Variants in NELL1 observed in about 807,000 individuals in gnomAD.
NELL1 encodes neural EGFL like 1.
In NELL1, 76 loss-of-function variants were observed where a neutral mutation model predicts 107.4. The ratio of observed to expected loss-of-function variants is 0.71; its 90% CI spans 0.59 to 0.86. The LOEUF is 0.86. Ranked by LOEUF, NELL1 falls within the 40% of genes least tolerant of loss-of-function variation. NELL1 has a pLI of 0.00. For missense variants in NELL1, 1,024 were observed against 1,005.5 expected, an observed-to-expected ratio of 1.02 and a Z score of -0.25; for synonymous variants, 353 against 341.2, an observed-to-expected ratio of 1.03 and a Z score of -0.38.
rs1241603154 is a variant in NELL1 at position 20,852,828 on chromosome 11, C to T, written c.506+5075C>T. ...AACTAACAAAGCAGCTTCAGGTTGT[C>T]TAGGAAGAGATGGGAAGCAAGCTAG... On this transcript the variant is annotated intron_variant, in intron 4 of 19. Transcript: ENST00000357134. Among the ~76,000 whole-genome samples, 3 of 152,130 alleles carry T rather than the reference C, an allele frequency of 2.0e-5. No individual in the cohort carries two copies. The East Asian group carries it at 5.8e-4, about 29-fold the overall frequency.
At chr11:20,788,618 T>A (rs923264988) in intron 3 of NELL1, among the ~76,000 whole-genome samples, 1 of 152,190 alleles carries the variant, frequency 6.6e-6, no homozygotes. Context: ...TTTACAGTTT[T>A]TTCCCCCATT....
intron 12 of NELL1, among the ~76,000 whole-genome samples, chr11:21,026,586 G>A (rs1335702800): frequency 1.3e-5 from 2 of 152,106 alleles, no homozygotes; most frequent in Non-Finnish European, 2.9e-5. Context: ...TAAAAGCAGG[G>A]ATTTTTGCCT....
At chr11:21,521,224 A>G (rs1855717312) in intron 15 of NELL1, among the ~76,000 whole-genome samples, 1 of 152,160 alleles carries the variant, frequency 6.6e-6, no homozygotes, top group African/African-American at 2.4e-5. Context: ...TAAATATTTT[A>G]TATTTTCCTT....
intron 3 of NELL1, among the ~76,000 whole-genome samples, chr11:20,807,223 G>A (rs766831156): frequency 6.6e-6 from 1 of 152,148 alleles, no homozygotes; most frequent in Non-Finnish European, 1.5e-5. Context: ...CTTGGGTGTT[G>A]TGATCTATGT....
In NELL1 at chr11:21,524,853, A is replaced by T. The variant is rs188044400; in HGVS notation, c.1646-9521A>T. ...CAAGTTTCATAGCAGTCAAATTTCA[A>T]TAGTTTTGTTCATTGGTTATGAGGA... On this transcript the variant is annotated intron_variant, in intron 15 of 19. Transcript: ENST00000357134. Among the ~76,000 whole-genome samples the T allele has an allele frequency of 2.0e-5, 3 of 152,288 alleles. No homozygotes were observed. The South Asian group carries it at 6.2e-4, about 32-fold the overall frequency.
At chr11:21,008,670 A>G (rs747634312) in intron 12 of NELL1, among the ~76,000 whole-genome samples, 3 of 151,952 alleles carry the variant, frequency 2.0e-5, no homozygotes, top group Non-Finnish European at 2.9e-5. Flanking sequence ...GCTTTTTGGG[A>G]GACCTATACC....
chr11:21,319,495 T>TAC (rs1491536909), intron 14 of NELL1, among the ~76,000 whole-genome samples: 1 of 2,052 alleles, frequency 4.9e-4, no homozygotes, highest in East Asian at 9.6e-3. Flanking sequence ...CAGCTAAATT[T>TAC]ATATATATAT....
At chr11:20,740,269 C>T (rs1031277677) in intron 2 of NELL1, among the ~76,000 whole-genome samples, 1 of 152,136 alleles carries the variant, frequency 6.6e-6, no homozygotes. Flanking sequence ...CTTGATCGTA[C>T]CCTGCACTTT....
rs181942217 is a variant in NELL1, at chr11:21,048,814, C to T, written c.1301-64775C>T. On this transcript the variant is annotated intron_variant, in intron 12 of 19. Transcript: ENST00000357134. Reference sequence around the variant, plus strand: ...CCTCTGTTGGCATTGTCCTGTTATGCCATGGCTTCCCTCCATGCTTGCTGC... The same window carrying T: ...CCTCTGTTGGCATTGTCCTGTTATGTCATGGCTTCCCTCCATGCTTGCTGC... Among the ~76,000 whole-genome samples the T allele has an allele frequency of 1.2e-4, 19 of 152,246 alleles. No homozygotes were observed. The East Asian group carries it at 3.3e-3, about 26-fold the overall frequency.
In NELL1 at chr11:21,446,638, C is replaced by G. The variant is rs147721632; in HGVS notation, c.1645+75690C>G. Among the ~76,000 whole-genome samples the G allele has an allele frequency of 3.2e-3, 484 of 152,340 alleles. 5 individuals are homozygous for G. Among genetic ancestry groups the G allele is most frequent in the African/African-American group, 0.011 (453 of 41,582 alleles). On this transcript the variant is annotated intron_variant, in intron 15 of 19. Transcript: ENST00000357134. ...CCACTTAGTTCTCTTCCCTTACTTT[C>G]TCCCCACAAAACAGGGTCTGCTGAG...
intron 14 of NELL1, among the ~76,000 whole-genome samples, chr11:21,298,728 G>T (rs569905155): frequency 2.6e-5 from 4 of 151,848 alleles, no homozygotes; most frequent in African/African-American, 9.7e-5. Context: ...TGGACCATTC[G>T]GTGCCATCAG....
intron 12 of NELL1, among the ~76,000 whole-genome samples, chr11:21,048,431 T>A (rs1238313055): frequency 6.6e-6 from 1 of 152,194 alleles, no homozygotes; most frequent in African/African-American, 2.4e-5. Context: ...GCATTCCTAA[T>A]TATGATGATC....
intron 14 of NELL1, among the ~76,000 whole-genome samples, chr11:21,241,265 C>A (rs1424983768): frequency 6.6e-6 from 1 of 151,998 alleles, no homozygotes; most frequent in Non-Finnish European, 1.5e-5. Flanking sequence ...CAGTTATTTG[C>A]AAAATATTCA....
At chr11:21,477,208 T>G (rs59703979) in intron 15 of NELL1, among the ~76,000 whole-genome samples, 3,876 of 151,928 alleles carry the variant, frequency 0.026, 176 homozygotes, top group African/African-American at 0.086. Flanking sequence ...TGCCTTTGCT[T>G]GAGGAAAGGA....
In NELL1 at chr11:21,398,388, C is replaced by T. The variant is rs144096433; in HGVS notation, c.1645+27440C>T. ...TCTGAAAACCTTGTGTGATTCACTC[C>T]GTCAGCTCTTCTGTTGGGTGATTCA... On this transcript the variant is annotated intron_variant, in intron 15 of 19. Transcript: ENST00000357134. 6.0e-3 allele frequency among the ~76,000 whole-genome samples: 917 copies of T among 151,798 alleles called. 12 individuals carry two copies. Among genetic ancestry groups the T allele is most frequent in the African/African-American group, 0.021 (864 of 41,452 alleles).
At chr11:21,069,115 C>T (rs1221853679) in intron 12 of NELL1, among the ~76,000 whole-genome samples, 1 of 152,042 alleles carries the variant, frequency 6.6e-6, no homozygotes, top group African/African-American at 2.4e-5. Context: ...TGTCTGTGTC[C>T]ATTTGGCACG....
intron 2 of NELL1, among the ~76,000 whole-genome samples, chr11:20,729,953 C>G (rs1382826245): frequency 1.1e-4 from 17 of 152,286 alleles, no homozygotes; most frequent in Non-Finnish European, 2.5e-4. Flanking sequence ...GCTGTTCCAT[C>G]TCTGGCTTGA....
chr11:20,693,904 C>T (rs368785189), intron 2 of NELL1, among the ~76,000 whole-genome samples: 1 of 152,130 alleles, frequency 6.6e-6, no homozygotes, highest in Non-Finnish European at 1.5e-5. Context: ...TCCATTCTCC[C>T]CGTCACTTTC....
intron 15 of NELL1, among the ~76,000 whole-genome samples, chr11:21,514,222 TAAC>T (rs994841039): frequency 9.2e-5 from 14 of 152,210 alleles, no homozygotes; most frequent in African/African-American, 3.4e-4. Context: ...AATTAACAAA[TAAC>T]AATTTAACAT....
Sources: gnomAD v4.1 joint callset for allele counts (sites outside exome capture counted in the v4.1 genomes callset) on GRCh38, gnomAD v4.1.1 for gene constraint, MANE v1.5 for transcripts, NCBI Gene and HGNC (gene_info 2026-07-23, HGNC 2026-07-21) for gene names.